The following UVRAG variants were observed in gnomAD, a reference collection of about 807,000 sequenced individuals.
The protein encoded by UVRAG is UV radiation resistance associated, also known as UV radiation resistance-associated gene protein.
Under a neutral mutation model 78.0 loss-of-function variants are expected in UVRAG, and 19 were observed. The observed-to-expected ratio is 0.24, with a 90% CI of 0.17 to 0.36. The LOEUF (loss-of-function observed/expected upper bound fraction) is 0.36, where lower values mean the gene tolerates loss of function less well. UVRAG is among the 10% of genes least tolerant of loss of function. UVRAG has a pLI of 1.00. For missense variants in UVRAG, 740 were observed against 853.8 expected, an observed-to-expected ratio of 0.87 and a Z score of 1.66; for synonymous variants, 323 against 324.6, an observed-to-expected ratio of 1.00 and a Z score of 0.05.
At chr11:75,830,606 T>G (rs1945634460) in intron 1 of UVRAG, among the ~76,000 whole-genome samples, 1 of 152,084 alleles carries the variant, frequency 6.6e-6, no homozygotes, top group East Asian at 1.9e-4. Context: ...TAAGAAGACT[T>G]GTTATAAGGC....
At chr11:75,863,313 T>C (rs1456748668) in intron 3 of UVRAG, among the ~76,000 whole-genome samples, 2 of 152,214 alleles carry the variant, frequency 1.3e-5, no homozygotes, top group South Asian at 2.1e-4. Context: ...CTCCTCTCCT[T>C]GCTCAGGTGG....
intron 8 of UVRAG, 85 bp from the exon 9 acceptor site, chr11:76,003,920 A>C: frequency 8.2e-7 from 1 of 1,218,028 alleles, no homozygotes; most frequent in Non-Finnish European, 1.2e-6. Flanking sequence ...TCCCTCTCAC[A>C]GTCAGGGATT....
intron 8 of UVRAG, among the ~76,000 whole-genome samples, chr11:75,997,582 A>G (rs139346729): frequency 3.3e-4 from 50 of 152,374 alleles, no homozygotes; most frequent in South Asian, 2.3e-3. Flanking sequence ...GATAATAAAT[A>G]TACATGTATA....
chr11:76,085,205 T>G (rs921897293), intron 13 of UVRAG, among the ~76,000 whole-genome samples: 3 of 152,234 alleles, frequency 2.0e-5, no homozygotes, highest in Non-Finnish European at 4.4e-5. Context: ...ACTAATGTGA[T>G]TTATCATTTG....
intron 12 of UVRAG, among the ~76,000 whole-genome samples, chr11:76,063,540 T>C (rs945640853): frequency 6.6e-6 from 1 of 152,224 alleles, no homozygotes. Context: ...CTACAAGGTA[T>C]GGTTCAAATA....
In UVRAG at chr11:75,922,150, G is replaced by A. The variant is rs142510345; in HGVS notation, c.593+10111G>A. On this transcript the variant is annotated intron_variant, in intron 6 of 14. Coordinates refer to ENST00000356136, the MANE Select transcript of UVRAG (RefSeq NM_003369.4). ...GTTTTACAATTATTTTGGGAAAGAT[G>A]TCATTTTATATTAGTATACCCATCC... is the stretch of plus-strand genomic sequence containing the variant. 6.6e-3 allele frequency among the ~76,000 whole-genome samples: 1,005 copies of A among 152,098 alleles called. 5 individuals carry two copies. Among genetic ancestry groups the A allele is most frequent in the Middle Eastern group, 0.024 (7 of 292 alleles).
At chr11:75,945,831 T>C (rs1199577011) in intron 6 of UVRAG, among the ~76,000 whole-genome samples, 1 of 152,130 alleles carries the variant, frequency 6.6e-6, no homozygotes, top group Non-Finnish European at 1.5e-5. Context: ...GTCTGGAATA[T>C]CTTTCTCCCT....
chr11:76,028,269 G>C (rs1021814939), intron 12 of UVRAG, among the ~76,000 whole-genome samples: 6 of 151,996 alleles, frequency 3.9e-5, no homozygotes, highest in African/African-American at 1.5e-4. Context: ...CCACTGACCA[G>C]CTCTTCCCCC....
At chr11:75,949,000 G>C (rs1948634750) in intron 6 of UVRAG, among the ~76,000 whole-genome samples, 1 of 152,158 alleles carries the variant, frequency 6.6e-6, no homozygotes, top group African/African-American at 2.4e-5. Context: ...ATGAAGAACA[G>C]GGATTCTTTG....
At chr11:76,021,031 G>A (rs1040442549) in intron 12 of UVRAG, among the ~76,000 whole-genome samples, 15 of 152,058 alleles carry the variant, frequency 9.9e-5, no homozygotes, top group African/African-American at 3.6e-4. Context: ...TACCACAATC[G>A]CTGTGCTCTC....
At chr11:76,124,867 T>C (rs1952356636) in intron 14 of UVRAG, among the ~76,000 whole-genome samples, 1 of 152,268 alleles carries the variant, frequency 6.6e-6, no homozygotes, top group Non-Finnish European at 1.5e-5. Context: ...AAATGTTTTT[T>C]CAGTAAACTG....
intron 8 of UVRAG, among the ~76,000 whole-genome samples, chr11:76,001,492 G>A (rs1055220636): frequency 6.6e-6 from 1 of 152,084 alleles, no homozygotes; most frequent in Non-Finnish European, 1.5e-5. Context: ...AAGAGTAGAG[G>A]ATATCAATGA....
chr11:75,847,988 A>G (rs1946072393), intron 1 of UVRAG, among the ~76,000 whole-genome samples: 1 of 150,130 alleles, frequency 6.7e-6, no homozygotes, highest in East Asian at 1.9e-4. Flanking sequence ...AAAAAAGAAA[A>G]AAGGATTTAT....
At chr11:75,993,167 T>C (rs184314847) in intron 8 of UVRAG, among the ~76,000 whole-genome samples, 30 of 152,354 alleles carry the variant, frequency 2.0e-4, no homozygotes, top group Admixed American at 1.2e-3. Context: ...TAGGAATTAA[T>C]TTGTGTAAAC....
At chr11:75,910,672 GAA>G (rs1267734222) in intron 5 of UVRAG, among the ~76,000 whole-genome samples, 2 of 152,102 alleles carry the variant, frequency 1.3e-5, no homozygotes, top group South Asian at 4.2e-4. Flanking sequence ...TTGCAATAGG[GAA>G]AGAGTAATTC....
intron 6 of UVRAG, among the ~76,000 whole-genome samples, chr11:75,936,053 T>C (rs887059841): frequency 2.0e-5 from 3 of 152,240 alleles, no homozygotes; most frequent in Non-Finnish European, 4.4e-5. Flanking sequence ...TGTTTATCAA[T>C]TTTGGTTTGT....
At chr11:76,040,739 T>G (rs772116976) in intron 12 of UVRAG, among the ~76,000 whole-genome samples, 1 of 151,854 alleles carries the variant, frequency 6.6e-6, no homozygotes, top group Non-Finnish European at 1.5e-5. Flanking sequence ...GTATTTTTAG[T>G]AGAGACGAGG....
chr11:75,881,956 G>A (rs537563908), intron 4 of UVRAG, among the ~76,000 whole-genome samples: 1 of 152,236 alleles, frequency 6.6e-6, no homozygotes, highest in Non-Finnish European at 1.5e-5. Context: ...AGGCCTGGCT[G>A]ATTTAAAAAT....
At chr11:76,029,103 A>T (rs553142186) in intron 12 of UVRAG, among the ~76,000 whole-genome samples, 8 of 152,306 alleles carry the variant, frequency 5.3e-5, no homozygotes, top group Admixed American at 2.0e-4. Context: ...AATGATGCTA[A>T]CTATACTCTG....
Sources: allele counts gnomAD v4.1 joint callset (sites outside exome capture counted in the v4.1 genomes callset), GRCh38; gene constraint gnomAD v4.1.1; transcripts MANE v1.5; gene names NCBI Gene and HGNC (gene_info 2026-07-23, HGNC 2026-07-21).